Variants in RFX4 observed in about 807,000 individuals in gnomAD.
RFX4 encodes transcription factor RFX4.
RFX4 carries 10 observed loss-of-function variants against 95.0 expected under a neutral mutation model. The observed-to-expected ratio is 0.11, with a 90% CI of 0.06 to 0.18. The LOEUF (loss-of-function observed/expected upper bound fraction) is 0.18. Among genes scored for constraint, RFX4 ranks in the 10% least tolerant of loss-of-function variants. The pLI is 1.00. For missense variants in RFX4, 640 were observed against 922.0 expected (o/e 0.69, Z 3.96); for synonymous variants, 321 against 340.7 (o/e 0.94, Z 0.64).
intron 2 of RFX4, among the ~76,000 whole-genome samples, chr12:106,637,517 T>C (rs995299076): frequency 5.9e-5 from 9 of 152,252 alleles, no homozygotes; most frequent in African/African-American, 2.2e-4. Flanking sequence ...ATTTCATTGA[T>C]CTTTTTAATG....
At position 106,714,068 on chromosome 12, in the gene RFX4, C is replaced by CAAAAAAAAAAA. The variant is rs58283896; in HGVS notation, c.994-1319_994-1309dup. On this transcript the variant is annotated intron_variant, in intron 10 of 17. Transcript: ENST00000392842. ...GGGCAACAAGAGTGAAACTCCATCT[C>CAAAAAAAAAAA]AAAAAAAAAAAAAAAAAAAAAAAGC... 1.8e-3 allele frequency among the ~76,000 whole-genome samples: 54 copies of CAAAAAAAAAAA among 30,518 alleles called. 7 individuals carry two copies. Among genetic ancestry groups the CAAAAAAAAAAA allele is most frequent in the Middle Eastern group, 0.031 (2 of 64 alleles). 20.0% of individuals were successfully genotyped at this position (30,518 alleles called of 152,430 possible).
Position 106,732,904 on chromosome 12 carries a change from T to C in RFX4, c.1472-20T>C. On this transcript the variant is annotated intron_variant, in intron 14 of 17. Transcript: ENST00000392842. ...GCCTTTACATTTGGTTTTAAAAACT[T>C]ACCCTATCTCTATCCACAGCAGAAG... 6.2e-7 allele frequency: 1 copy of C among 1,605,238 alleles called. No homozygotes were observed.
At chr12:106,707,930 C>T (rs553570164) in intron 8 of RFX4, among the ~76,000 whole-genome samples, 25 of 152,212 alleles carry the variant, frequency 1.6e-4, no homozygotes, top group Admixed American at 5.2e-4. Flanking sequence ...GTCAGGAGTT[C>T]GAGACCAGCC....
rs540720021 is a variant in RFX4, at chr12:106,602,358, A to C, written c.44-6439A>C. Among the ~76,000 whole-genome samples the C allele has an allele frequency of 8.5e-5, 13 of 152,300 alleles. 1 individual carries two copies. The South Asian group carries it at 2.7e-3, about 32-fold the overall frequency. Reference sequence around the variant, plus strand: ...CTTCCTCATTTTTCTATGGCCCTTAAAGCCAAACACACTAAGTGCCTTACC... The same window carrying C: ...CTTCCTCATTTTTCTATGGCCCTTACAGCCAAACACACTAAGTGCCTTACC... On this transcript the variant is annotated intron_variant, in intron 1 of 17. Transcript: ENST00000392842.
intron 10 of RFX4, among the ~76,000 whole-genome samples, chr12:106,714,068 C>CAAAAAAAAAAAAAAAAAAAAAAAAA (rs58283896): frequency 3.3e-5 from 1 of 30,522 alleles, no homozygotes; most frequent in African/African-American, 1.5e-4. Flanking sequence ...AACTCCATCT[C>CAAAAAAAAAAAAAAAAAAAAAAAAA]AAAAAAAAAA....
chr12:106,663,120 T>G (rs541953546), intron 4 of RFX4, among the ~76,000 whole-genome samples: 1 of 152,176 alleles, frequency 6.6e-6, no homozygotes, highest in South Asian at 2.1e-4. Context: ...CTGATTGAGA[T>G]TGTATTGAAT....
chr12:106,664,609 T>C (rs1157065522), intron 4 of RFX4, among the ~76,000 whole-genome samples: 2 of 151,864 alleles, frequency 1.3e-5, no homozygotes, highest in African/African-American at 4.8e-5. Context: ...AAATTCACTC[T>C]TCTTTTTCCA....
intron 3 of RFX4, among the ~76,000 whole-genome samples, chr12:106,653,668 C>T (rs1304624799): frequency 1.3e-5 from 2 of 152,178 alleles, no homozygotes; most frequent in African/African-American, 4.8e-5. Flanking sequence ...ATCATGGGGC[C>T]AACTTCCTCC....
rs575329325 is a variant in RFX4, at chr12:106,747,898, A to C, written c.1796+299A>C. Reference sequence around the variant, plus strand: ...AGCTGAGATCGCACCGCTGAACTCCAGCCTGGGTGACAGAGCGAGACGCCG... The same window carrying C: ...AGCTGAGATCGCACCGCTGAACTCCCGCCTGGGTGACAGAGCGAGACGCCG... On this transcript the variant is annotated intron_variant, in intron 16 of 17. Coordinates refer to ENST00000392842, the MANE Select transcript of RFX4 (RefSeq NM_213594.3). 2.3e-4 allele frequency among the ~76,000 whole-genome samples: 35 copies of C among 150,970 alleles called. 1 individual carries two copies. In the East Asian group the frequency reaches 6.0e-3, roughly 26 times the overall value.
chr12:106,691,779 C>T (rs572735867), intron 7 of RFX4, among the ~76,000 whole-genome samples: 1 of 152,246 alleles, frequency 6.6e-6, no homozygotes, highest in Admixed American at 6.5e-5. Flanking sequence ...GGCTGTCAGT[C>T]AGTATTTGTT....
Position 106,716,193 on chromosome 12 carries a change from C to T in RFX4, c.1138+649C>T, listed in dbSNP as rs79660536. Among the ~76,000 whole-genome samples the T allele has an allele frequency of 4.7e-4, 71 of 152,194 alleles. 1 individual carries two copies. The East Asian group carries it at 0.014, about 29-fold the overall frequency. ...CCTGCTATTCCTCAGATGCCCATCC[C>T]AGCTGACTGCCCAGGGCATCCCCCC... is the stretch of plus-strand genomic sequence containing the variant. On this transcript the variant is annotated intron_variant, in intron 11 of 17. Transcript: ENST00000392842.
intron 7 of RFX4, among the ~76,000 whole-genome samples, chr12:106,694,416 G>C (rs1165180720): frequency 6.6e-6 from 1 of 152,136 alleles, no homozygotes; most frequent in Non-Finnish European, 1.5e-5. Flanking sequence ...GCAAAATTAG[G>C]CCCTACTCCT....
intron 15 of RFX4, among the ~76,000 whole-genome samples, chr12:106,744,580 A>G (rs7313893): frequency 0.015 from 2,317 of 152,330 alleles, 66 homozygotes; most frequent in African/African-American, 0.053. Flanking sequence ...ATATATTACA[A>G]CAGTCCTGCA....
At chr12:106,697,059 C>T (rs2041894195) in intron 8 of RFX4, among the ~76,000 whole-genome samples, 1 of 152,144 alleles carries the variant, frequency 6.6e-6, no homozygotes. Flanking sequence ...ATCTGGCCCC[C>T]TTCCTGTGAG....
chr12:106,675,268 T>C (rs1417597744), intron 4 of RFX4, among the ~76,000 whole-genome samples: 3 of 152,046 alleles, frequency 2.0e-5, no homozygotes, highest in African/African-American at 4.8e-5. Flanking sequence ...CCATCTCTAC[T>C]AAAAGTACAA....
intron 16 of RFX4, among the ~76,000 whole-genome samples, chr12:106,749,180 C>T (rs974886934): frequency 1.3e-5 from 2 of 149,978 alleles, no homozygotes; most frequent in African/African-American, 4.9e-5. Flanking sequence ...TGCATGAACC[C>T]AGGAGGCGGA....
chr12:106,662,213 TCA>T, intron 4 of RFX4: 2 of 408,208 alleles, frequency 4.9e-6, no homozygotes, highest in Non-Finnish European at 9.7e-6. Flanking sequence ...CTCTACATCC[TCA>T]CCAGCATTTG....
At chr12:106,750,288 C>G (rs1298241132) in intron 16 of RFX4, among the ~76,000 whole-genome samples, 2 of 151,950 alleles carry the variant, frequency 1.3e-5, no homozygotes, top group Non-Finnish European at 2.9e-5. Context: ...ACCAGCCTGG[C>G]CAACATGGTG....
At chr12:106,654,203 G>A (rs2040911919) in intron 3 of RFX4, 25 bp from the exon 4 acceptor site, 1 of 1,612,898 alleles carries the variant, frequency 6.2e-7, no homozygotes, top group Non-Finnish European at 8.5e-7. Flanking sequence ...CACATTTTTT[G>A]CTCATTGGGC....
Sources: allele counts gnomAD v4.1 joint callset (sites outside exome capture counted in the v4.1 genomes callset), GRCh38; gene constraint gnomAD v4.1.1; transcripts MANE v1.5; gene names NCBI Gene and HGNC (gene_info 2026-07-23, HGNC 2026-07-21).